Variants in LMBRD1 observed in about 807,000 individuals in gnomAD.
LMBRD1 encodes lysosomal cobalamin transport escort protein LMBD1.
In LMBRD1, 64 loss-of-function variants were observed where a neutral mutation model predicts 74.8. That is an observed-to-expected ratio of 0.86 (90% CI 0.70 to 1.05). The LOEUF (loss-of-function observed/expected upper bound fraction) is 1.05. LMBRD1 is among the 50% of genes least tolerant of loss of function. The pLI, the probability that LMBRD1 is intolerant of heterozygous loss-of-function variation, is 0.00. For missense variants in LMBRD1, 652 were observed against 645.9 expected, an observed-to-expected ratio of 1.01 and a Z score of -0.10; for synonymous variants, 204 against 216.3, an observed-to-expected ratio of 0.94 and a Z score of 0.50.
At chr6:69,769,170 A>T (rs557251680) in intron 3 of LMBRD1, among the ~76,000 whole-genome samples, 2 of 152,064 alleles carry the variant, frequency 1.3e-5, no homozygotes, top group Admixed American at 1.3e-4. Context: ...GCTGACCCAC[A>T]GATCTCTGTG....
At chr6:69,794,481 AC>A (rs1389529400) in intron 1 of LMBRD1, among the ~76,000 whole-genome samples, 2 of 152,114 alleles carry the variant, frequency 1.3e-5, no homozygotes, top group Non-Finnish European at 2.9e-5. Flanking sequence ...TAAACCAACC[AC>A]TCTTCAAGGA....
chr6:69,678,897 AC>A (rs1765603043), intron 14 of LMBRD1, among the ~76,000 whole-genome samples: 1 of 152,086 alleles, frequency 6.6e-6, no homozygotes, highest in Admixed American at 6.6e-5. Context: ...AACATATAAG[AC>A]TTGTTACATA....
intron 3 of LMBRD1, among the ~76,000 whole-genome samples, chr6:69,777,829 G>A (rs2149891652): frequency 6.6e-6 from 1 of 152,344 alleles, no homozygotes; most frequent in South Asian, 2.1e-4. Flanking sequence ...CTTAGCCTCT[G>A]ACAGAAGAGA....
chr6:69,735,117 C>T (rs1582102358), intron 7 of LMBRD1, among the ~76,000 whole-genome samples: 1 of 152,088 alleles, frequency 6.6e-6, no homozygotes, highest in South Asian at 2.1e-4. Context: ...CATTCATTTG[C>T]TCATTCATTT....
At chr6:69,787,739 C>T (rs1563608) in intron 2 of LMBRD1, among the ~76,000 whole-genome samples, 86,377 of 152,038 alleles carry the variant, frequency 0.57, 25,037 homozygotes, top group East Asian at 0.73. Flanking sequence ...GAACCAACAA[C>T]TGATGAATAA....
chr6:69,737,817 C>T (rs1211288540), intron 7 of LMBRD1, 125 bp downstream of exon 7: 6 of 738,324 alleles, frequency 8.1e-6, no homozygotes, highest in Non-Finnish European at 1.4e-5. Context: ...GTAAAGAAAA[C>T]TGAAGAAAAA....
chr6:69,686,688 AC>A (rs1765771307), intron 14 of LMBRD1, among the ~76,000 whole-genome samples: 1 of 152,164 alleles, frequency 6.6e-6, no homozygotes, highest in Non-Finnish European at 1.5e-5. Context: ...CCAGATCCTG[AC>A]CACTTTTTGC....
chr6:69,716,795 T>C (rs1325152202), intron 8 of LMBRD1, among the ~76,000 whole-genome samples: 1 of 151,818 alleles, frequency 6.6e-6, no homozygotes, highest in Non-Finnish European at 1.5e-5. Context: ...CTTACATACC[T>C]GGGTACAAAC....
At chr6:69,763,234 G>GAA (rs35769776) in intron 3 of LMBRD1, among the ~76,000 whole-genome samples, 98 of 135,512 alleles carry the variant, frequency 7.2e-4, no homozygotes, top group East Asian at 2.9e-3. Context: ...AAAGAAAAAA[G>GAA]AAAAAAAAAA....
At chr6:69,682,338 A>C (rs1464170301) in intron 14 of LMBRD1, among the ~76,000 whole-genome samples, 1 of 151,930 alleles carries the variant, frequency 6.6e-6, no homozygotes, top group Non-Finnish European at 1.5e-5. Context: ...AAACTGTATC[A>C]GGTTAATAAA....
intron 7 of LMBRD1, among the ~76,000 whole-genome samples, chr6:69,734,806 T>C (rs1766938625): frequency 2.0e-5 from 3 of 152,344 alleles, no homozygotes; most frequent in Middle Eastern, 3.4e-3. Context: ...TTCAAAGCAC[T>C]TCTAATATTA....
At chr6:69,754,224 G>A (rs940537380) in intron 3 of LMBRD1, among the ~76,000 whole-genome samples, 7 of 152,050 alleles carry the variant, frequency 4.6e-5, no homozygotes, top group Admixed American at 2.0e-4. Flanking sequence ...GGCACCAATG[G>A]CTGCATATTA....
At chr6:69,764,400 C>A (rs1380141734) in intron 3 of LMBRD1, among the ~76,000 whole-genome samples, 1 of 152,044 alleles carries the variant, frequency 6.6e-6, no homozygotes, top group Non-Finnish European at 1.5e-5. Flanking sequence ...TATCTATAAG[C>A]ATGGAAGAAG....
At chr6:69,700,139 C>T (rs1455325703) in intron 12 of LMBRD1, among the ~76,000 whole-genome samples, 1 of 151,790 alleles carries the variant, frequency 6.6e-6, no homozygotes, top group Non-Finnish European at 1.5e-5. Flanking sequence ...TGAAGCAATA[C>T]TAGATTCTTT....
rs553984021 is a variant in LMBRD1, at chr6:69,692,296, C to A, written c.1417+5267G>T. Among the ~76,000 whole-genome samples, 150 of 121,930 alleles carry A rather than the reference C, an allele frequency of 1.2e-3. 1 individual carries two copies. Among genetic ancestry groups the A allele is most frequent in the Non-Finnish European group, 2.2e-3 (117 of 53,060 alleles). The allele number at this position is 121,930 out of a possible 152,430, so 80.0% of individuals were successfully genotyped here. A position where few individuals can be genotyped will look rare whatever the true frequency, so the allele number is the denominator to read the frequency against. ...GCGCTCTCTCTCTCTCTCGCTCTCTCTCTCTACATATATACAGTAAGCAAA... is the reference window on the plus strand; with the variant it reads ...GCGCTCTCTCTCTCTCTCGCTCTCTATCTCTACATATATACAGTAAGCAAA... On this transcript the variant is annotated intron_variant, in intron 14 of 15. Coordinates refer to ENST00000649934, the MANE Select transcript of LMBRD1 (RefSeq NM_018368.4).
At chr6:69,770,622 T>C (rs995007586) in intron 3 of LMBRD1, among the ~76,000 whole-genome samples, 3 of 152,150 alleles carry the variant, frequency 2.0e-5, no homozygotes, top group African/African-American at 4.8e-5. Flanking sequence ...CTAAATTACA[T>C]AGAAAATAAA....
intron 3 of LMBRD1, among the ~76,000 whole-genome samples, chr6:69,762,176 G>A (rs1465357937): frequency 6.6e-6 from 1 of 152,140 alleles, no homozygotes; most frequent in South Asian, 2.1e-4. Flanking sequence ...CCAGTTGTTG[G>A]ACATTTGAAT....
intron 5 of LMBRD1, among the ~76,000 whole-genome samples, chr6:69,742,737 T>G (rs910318159): frequency 6.6e-6 from 1 of 152,122 alleles, no homozygotes; most frequent in African/African-American, 2.4e-5. Flanking sequence ...AGTTCAATAA[T>G]ATATTAAGGT....
At chr6:69,692,270 T>TAC (rs1256918049) in intron 14 of LMBRD1, among the ~76,000 whole-genome samples, 2 of 51,764 alleles carry the variant, frequency 3.9e-5, no homozygotes, top group South Asian at 9.7e-4. Context: ...TTTTTTAAGG[T>TAC]GCGCTCTCTC....
Sources: allele counts gnomAD v4.1 joint callset (sites outside exome capture counted in the v4.1 genomes callset), GRCh38; gene constraint gnomAD v4.1.1; transcripts MANE v1.5; gene names NCBI Gene and HGNC (gene_info 2026-07-23, HGNC 2026-07-21).